The following ACTR3C variants were observed in gnomAD, a reference collection of about 807,000 sequenced individuals.
ACTR3C encodes the protein actin related protein 3C, also known as actin-related protein 3C.
ACTR3C carries 18 observed loss-of-function variants against 26.3 expected under a neutral mutation model. The ratio of observed to expected loss-of-function variants is 0.68; its 90% confidence interval spans 0.47 to 1.01. ACTR3C has a LOEUF of 1.01. ACTR3C is among the 50% of genes least tolerant of loss of function. The probability of loss-of-function intolerance (pLI) is 0.00; values close to 1 mark genes in which losing one functional copy is unlikely to be tolerated. For missense variants in ACTR3C, 184 were observed against 250.7 expected (o/e 0.73, Z 1.80); for synonymous variants, 55 against 94.5 (o/e 0.58, Z 2.42).
chr7:149,939,139 C>G, the ACTR3C span, among the ~76,000 whole-genome samples: 2 of 152,008 alleles, frequency 1.3e-5, no homozygotes, highest in African/African-American at 4.8e-5. Flanking sequence ...TGCCACCACG[C>G]CCAGCTAATT....
chr7:150,035,579 G>A, the ACTR3C span, among the ~76,000 whole-genome samples: 2 of 135,578 alleles, frequency 1.5e-5, no homozygotes, highest in African/African-American at 5.6e-5. Flanking sequence ...GGGGAAGAGG[G>A]ACTGGCTCTC....
At chr7:150,124,480 T>A in the ACTR3C span, among the ~76,000 whole-genome samples, 5 of 152,228 alleles carry the variant, frequency 3.3e-5, no homozygotes, top group African/African-American at 1.2e-4. Flanking sequence ...TCCACACTGT[T>A]GTCTGTTAGA....
intron 1 of ACTR3C, chr7:150,322,592 T>C (rs1194113257): frequency 6.6e-6 from 1 of 152,264 alleles, no homozygotes; most frequent in Non-Finnish European, 1.5e-5. Context: ...TGCCCACCCC[T>C]TTCTCTGAAA....
the ACTR3C span, among the ~76,000 whole-genome samples, chr7:149,925,865 C>A: frequency 6.6e-6 from 1 of 152,092 alleles, no homozygotes; most frequent in Admixed American, 6.5e-5. Context: ...AGTTTGAGAT[C>A]AGCCTGACCA....
the ACTR3C span, among the ~76,000 whole-genome samples, chr7:149,919,698 C>T: frequency 2.9e-3 from 440 of 152,300 alleles, 1 homozygote; most frequent in African/African-American, 0.01. Flanking sequence ...CTCGTTTTAA[C>T]TTTTGTACTA....
the ACTR3C span, among the ~76,000 whole-genome samples, chr7:149,941,498 G>T: frequency 6.6e-6 from 1 of 152,134 alleles, no homozygotes; most frequent in Non-Finnish European, 1.5e-5. Flanking sequence ...CCTCTGACCT[G>T]CCTGTCTCTG....
chr7:150,227,023 T>C, the ACTR3C span, among the ~76,000 whole-genome samples: 1 of 146,746 alleles, frequency 6.8e-6, no homozygotes, highest in East Asian at 2.0e-4. Context: ...ACATTGTGTA[T>C]ATTTATGGGT....
In ACTR3C at chr7:150,288,307, C is replaced by A. The variant is rs562632881; in HGVS notation, c.297+1143G>T. On this transcript the variant is annotated intron_variant, in intron 4 of 7. Transcript: ENST00000683684. ...GCCCAGCATGAGGGTCAGGAAAGCC[C>A]CTCCTTGGCAGTGTTGCTCAGCAAT... Among the ~76,000 whole-genome samples, 7 of 150,548 alleles carry A rather than the reference C, an allele frequency of 4.6e-5. 1 individual carries two copies. Among genetic ancestry groups the A allele is most frequent in the African/African-American group, 1.5e-4 (6 of 40,480 alleles).
the ACTR3C span, among the ~76,000 whole-genome samples, chr7:150,094,515 G>A: frequency 1.3e-5 from 2 of 150,614 alleles, no homozygotes; most frequent in Admixed American, 6.6e-5. Flanking sequence ...CGGGGCAGAT[G>A]CTGCTACCTC....
the ACTR3C span, among the ~76,000 whole-genome samples, chr7:150,072,764 T>C: frequency 6.6e-6 from 1 of 152,012 alleles, no homozygotes. Flanking sequence ...TGGAAAAACA[T>C]TTGGGCTCAT....
chr7:150,037,083 G>C, the ACTR3C span, among the ~76,000 whole-genome samples: 6,847 of 21,700 alleles, frequency 0.32, 358 homozygotes, highest in African/African-American at 0.44. Context: ...CCTCCCCCTC[G>C]TGCGATGGGG....
chr7:150,108,461 G>C, the ACTR3C span, among the ~76,000 whole-genome samples: 1 of 151,774 alleles, frequency 6.6e-6, no homozygotes, highest in Admixed American at 6.6e-5. Flanking sequence ...ATAGAGCTGA[G>C]AGCAAAGTAG....
At chr7:150,313,064 C>A (rs1247437765) in intron 1 of ACTR3C, among the ~76,000 whole-genome samples, 5 of 152,172 alleles carry the variant, frequency 3.3e-5, no homozygotes, top group Admixed American at 3.3e-4. Context: ...ATCTTATGAT[C>A]TCCCCACCAT....
chr7:149,900,044 G>A, the ACTR3C span, among the ~76,000 whole-genome samples: 1 of 63,658 alleles, frequency 1.6e-5, no homozygotes, highest in East Asian at 5.7e-4. Context: ...AATATCCCCT[G>A]AGAATAGAGC....
At chr7:150,050,720 G>A in the ACTR3C span, among the ~76,000 whole-genome samples, 1 of 152,134 alleles carries the variant, frequency 6.6e-6, no homozygotes, top group African/African-American at 2.4e-5. Flanking sequence ...CCTCAAGGAT[G>A]ATCCAGATGG....
At chr7:150,317,386 A>C (rs1797041154) in intron 1 of ACTR3C, among the ~76,000 whole-genome samples, 1 of 152,260 alleles carries the variant, frequency 6.6e-6, no homozygotes, top group South Asian at 2.1e-4. Flanking sequence ...GGTTGTTTGC[A>C]TAGATGGCGG....
rs1835646724 is a variant in ACTR3C at position 150,284,878 on chromosome 7, C to T, written c.472-33G>A. ...GTATATCAATATAAAAGAAACATTA[C>T]ACATTTCTCTCAAATAGAACAACAT... On this transcript the variant is annotated intron_variant, in intron 5 of 7. Coordinates refer to ENST00000683684, the MANE Select transcript of ACTR3C (RefSeq NM_001164458.2). 8 of 1,585,720 alleles carry T rather than the reference C, an allele frequency of 5.0e-6. No individual in the cohort carries two copies. In the African/African-American group the frequency reaches 6.8e-5, roughly 13 times the overall value.
the ACTR3C span, among the ~76,000 whole-genome samples, chr7:150,211,289 T>G: frequency 6.6e-6 from 1 of 150,596 alleles, no homozygotes; most frequent in Non-Finnish European, 1.5e-5. Flanking sequence ...TTCTTTCTTC[T>G]TTACATTTTT....
chr7:150,003,661 T>G, the ACTR3C span, among the ~76,000 whole-genome samples: 1 of 152,114 alleles, frequency 6.6e-6, no homozygotes, highest in Non-Finnish European at 1.5e-5. Context: ...TTGGAGTGTG[T>G]GTGGTATATA....
Sources: gnomAD v4.1 joint callset for allele counts (sites outside exome capture counted in the v4.1 genomes callset) on GRCh38, gnomAD v4.1.1 for gene constraint, MANE v1.5 for transcripts, NCBI Gene and HGNC (gene_info 2026-07-23, HGNC 2026-07-21) for gene names.